OSBPL3: variants seen among roughly 807,000 people sequenced by gnomAD.
OSBPL3 encodes oxysterol-binding protein-related protein 3.
A neutral mutation model predicts 120.1 loss-of-function variants in OSBPL3; 65 were observed. That is an observed-to-expected ratio of 0.54 (90% confidence interval 0.44 to 0.67). OSBPL3 has a LOEUF of 0.67. OSBPL3 is among the 30% of genes least tolerant of loss of function. The pLI, the probability that OSBPL3 is intolerant of heterozygous loss-of-function variation, is 0.00. For synonymous variants in OSBPL3, 416 were observed against 402.6 expected, an observed-to-expected ratio of 1.03 and a Z score of -0.40; for missense variants, 1,004 against 1,082.1, an observed-to-expected ratio of 0.93 and a Z score of 1.01.
In OSBPL3 at chr7:24,900,789, G is replaced by A. The variant is rs1021242847; in HGVS notation, c.-149-8168C>T. Among the ~76,000 whole-genome samples the A allele has an allele frequency of 3.3e-5, 5 of 152,156 alleles. No individual in the cohort carries two copies. Among genetic ancestry groups the A allele is most frequent in the East Asian group, 1.9e-4 (1 of 5,176 alleles). On this transcript the variant is annotated intron_variant, in intron 1 of 22. Transcript: ENST00000313367. This position sits in a 1 kb window ranked among gnomAD's most constrained non-coding sequence, Gnocchi z 4.5. ...TCAAGACCAGCCTGGGCAACAAGGC[G>A]AAACCCCCATCTTTACAAAAAATAT...
chr7:24,837,511 A>AT (rs1477866328), intron 14 of OSBPL3, among the ~76,000 whole-genome samples: 1 of 152,154 alleles, frequency 6.6e-6, no homozygotes, highest in Non-Finnish European at 1.5e-5. Flanking sequence ...GCCTGTAGTC[A>AT]TTTTTGAAAA....
chr7:24,812,683 G>A (rs529062109), intron 19 of OSBPL3, among the ~76,000 whole-genome samples: 1 of 152,244 alleles, frequency 6.6e-6, no homozygotes, highest in South Asian at 2.1e-4. Flanking sequence ...GTCCATACTT[G>A]GAAACTAATC....
At chr7:24,825,028 G>A (rs1795540616) in intron 16 of OSBPL3, among the ~76,000 whole-genome samples, 1 of 152,190 alleles carries the variant, frequency 6.6e-6, no homozygotes, top group South Asian at 2.1e-4. Context: ...GTGTCTGAGG[G>A]TGAGATTTTC....
chr7:24,815,262 A>G lies in OSBPL3; in HGVS notation c.2028-59T>C. On this transcript the variant is annotated intron_variant, in intron 18 of 22. Transcript: ENST00000313367. The surrounding 1 kb of genome is among the most constrained non-coding windows in gnomAD (Gnocchi z 5.1). ...CTAGAAGAGCCAGCAGCAAATGCAA[A>G]CAAACTCTGCTCTTTTATAAAATAA... 1 of 1,350,470 alleles carries G rather than the reference A, an allele frequency of 7.4e-7. No individual in the cohort carries two copies. Among genetic ancestry groups the G allele is most frequent in the South Asian group, 1.2e-5 (1 of 83,146 alleles). The allele number at this position is 1,350,470 out of a possible 1,614,324, so 83.7% of individuals were successfully genotyped here.
intron 1 of OSBPL3, among the ~76,000 whole-genome samples, chr7:24,908,375 A>G (rs1808265363): frequency 6.6e-6 from 1 of 152,176 alleles, no homozygotes; most frequent in African/African-American, 2.4e-5. Flanking sequence ...TCTCCTTTTT[A>G]TCAGCACATG....
rs1173409530 is a variant in OSBPL3, at chr7:24,833,146, A to G, written c.1746+1340T>C. Among the ~76,000 whole-genome samples the G allele has an allele frequency of 6.6e-6, 1 of 152,234 alleles. No individual in the cohort carries two copies. Among genetic ancestry groups the G allele is most frequent in the Non-Finnish European group, 1.5e-5 (1 of 68,034 alleles). ...CAAAAATTATCTGGGGACAAGTAAC[A>G]AAGAAGAGTTTAAAAAATACAGCTT... On this transcript the variant is annotated intron_variant, in intron 15 of 22. Transcript: ENST00000313367. The surrounding 1 kb of genome is among the most constrained non-coding windows in gnomAD (Gnocchi z 4.4).
At chr7:24,928,368 T>G (rs966397864) in intron 1 of OSBPL3, among the ~76,000 whole-genome samples, 23 of 152,060 alleles carry the variant, frequency 1.5e-4, no homozygotes, top group Non-Finnish European at 3.1e-4. Flanking sequence ...CTTTTTTGTC[T>G]TTTTAGTAGA....
chr7:24,853,479 T>C (rs1799431179), intron 10 of OSBPL3, among the ~76,000 whole-genome samples: 1 of 152,176 alleles, frequency 6.6e-6, no homozygotes. Context: ...AAAGAAAGGC[T>C]GAGGAACTGT....
chr7:24,846,134 C>T (rs1798418221), intron 12 of OSBPL3, among the ~76,000 whole-genome samples: 1 of 152,096 alleles, frequency 6.6e-6, no homozygotes, highest in South Asian at 2.1e-4. Flanking sequence ...AACATCTATG[C>T]TTGAGAGAGT....
intron 1 of OSBPL3, among the ~76,000 whole-genome samples, chr7:24,954,649 T>G (rs1378140324): frequency 6.6e-6 from 1 of 152,104 alleles, no homozygotes; most frequent in Non-Finnish European, 1.5e-5. Flanking sequence ...TGACCCCATC[T>G]CCTACAAATA....
intron 2 of OSBPL3, among the ~76,000 whole-genome samples, chr7:24,874,048 G>A (rs1471765110): frequency 1.3e-5 from 2 of 152,182 alleles, no homozygotes; most frequent in East Asian, 3.8e-4. Flanking sequence ...TCCCCACAAT[G>A]CCTAACCTGC....
In OSBPL3 at chr7:24,877,792, A is replaced by G. The variant is rs1013072565; in HGVS notation, c.97-5723T>C. ...CTCCTGGTGACCCCAAGAGTAGGGC[A>G]GGCACCTTGAGCTGCATATCCTGAG... On this transcript the variant is annotated intron_variant, in intron 2 of 22. Coordinates refer to ENST00000313367, the MANE Select transcript of OSBPL3 (RefSeq NM_015550.4). This position sits in a 1 kb window ranked among gnomAD's most constrained non-coding sequence, Gnocchi z 4.8. Among the ~76,000 whole-genome samples the G allele has an allele frequency of 2.6e-5, 4 of 152,166 alleles. No homozygotes were observed. The highest frequency in any genetic ancestry group is 9.7e-5 in the African/African-American group (4 of 41,444).
In OSBPL3 at chr7:24,802,045, C is replaced by G. The variant is rs527654992; in HGVS notation, c.2568-1766G>C. 1.3e-3 allele frequency among the ~76,000 whole-genome samples: 192 copies of G among 152,324 alleles called. No individual in the cohort carries two copies. Among genetic ancestry groups the G allele is most frequent in the African/African-American group, 4.3e-3 (180 of 41,568 alleles). On this transcript the variant is annotated intron_variant, in intron 22 of 22. Transcript: ENST00000313367. The surrounding 1 kb of genome is among the most constrained non-coding windows in gnomAD (Gnocchi z 4.1). ...AGAGTATGTGCATTTGTGATTCTGA[C>G]TGATATTACCATATGGTTTAGAAGC...
intron 1 of OSBPL3, among the ~76,000 whole-genome samples, chr7:24,950,004 A>T (rs963154906): frequency 5.9e-5 from 9 of 152,242 alleles, no homozygotes; most frequent in Admixed American, 5.2e-4. Flanking sequence ...AAATATGTTT[A>T]TAAGTCAACA....
chr7:24,925,944 A>C (rs1307164298), intron 1 of OSBPL3, among the ~76,000 whole-genome samples: 1 of 152,218 alleles, frequency 6.6e-6, no homozygotes, highest in Non-Finnish European at 1.5e-5. Context: ...TAGAAATATA[A>C]AGTTTATCTT....
intron 16 of OSBPL3, among the ~76,000 whole-genome samples, chr7:24,825,172 TC>T (rs1795557857): frequency 6.6e-6 from 1 of 152,196 alleles, no homozygotes; most frequent in Non-Finnish European, 1.5e-5. Context: ...ATTAACTGGC[TC>T]TGGAAACAGG....
intron 4 of OSBPL3, 118 bp from the exon 5 acceptor site, chr7:24,870,963 G>A: frequency 1.4e-6 from 1 of 709,824 alleles, no homozygotes; most frequent in South Asian, 1.5e-5. Flanking sequence ...GACTCATCAA[G>A]CACTTAGCGT....
rs914643325 is a variant in OSBPL3, at chr7:24,980,155, T to G, written c.-419A>C. On this transcript the variant is annotated 5_prime_UTR_variant, in exon 1 of 23. Coordinates refer to ENST00000313367, the MANE Select transcript of OSBPL3 (RefSeq NM_015550.4). The stretch of plus-strand genomic sequence containing the variant: ...GGCGCCACCAGCACGCGGCCAGTTC[T>G]GAGTACTTTGCCCAGAACTTCTCGG... 4 of 559,634 alleles carry G rather than the reference T, an allele frequency of 7.1e-6. No homozygotes were observed. In the East Asian group the frequency reaches 5.9e-4, roughly 82 times the overall value. The allele number at this position is 559,634 out of a possible 1,614,324, so 34.7% of individuals were successfully genotyped here.
rs1802097103 is a variant in OSBPL3, at chr7:24,871,437, C to T, written c.267+305G>A. On this transcript the variant is annotated intron_variant, in intron 4 of 22. Coordinates refer to ENST00000313367, the MANE Select transcript of OSBPL3 (RefSeq NM_015550.4). This position sits in a 1 kb window ranked among gnomAD's most constrained non-coding sequence, Gnocchi z 4.8. The stretch of plus-strand genomic sequence containing the variant: ...GGTCACAGTGCAAGAGGGAGGGATG[C>T]CCTATGTTTTGTTCCTGTTATCTAG... Among the ~76,000 whole-genome samples, 2 of 152,134 alleles carry T rather than the reference C, an allele frequency of 1.3e-5. No individual in the cohort carries two copies. Among genetic ancestry groups the T allele is most frequent in the South Asian group, 4.1e-4 (2 of 4,822 alleles).
Sources: gnomAD v4.1 joint callset for allele counts (sites outside exome capture counted in the v4.1 genomes callset) on GRCh38, gnomAD v4.1.1 for gene constraint, Gnocchi (gnomAD v3.1) non-coding constraint, MANE v1.5 for transcripts, NCBI Gene and HGNC (gene_info 2026-07-23, HGNC 2026-07-21) for gene names.